Variants in GRIK2 observed in about 807,000 individuals in gnomAD.
The protein encoded by GRIK2 is glutamate ionotropic receptor kainate type subunit 2.
GRIK2 carries 32 observed loss-of-function variants against 100.3 expected under a neutral mutation model. That is an observed-to-expected ratio of 0.32 (90% confidence interval 0.24 to 0.43). The LOEUF (loss-of-function observed/expected upper bound fraction) is 0.43. GRIK2 is among the 20% of genes least tolerant of loss of function. The probability of loss-of-function intolerance (pLI) is 1.00; values close to 1 mark genes in which losing one functional copy is unlikely to be tolerated. For missense variants in GRIK2, 843 were observed against 1,114.9 expected (o/e 0.76, Z 3.47); for synonymous variants, 417 against 389.4 (o/e 1.07, Z -0.83).
At chr6:101,582,719 G>T (rs1778160160) in intron 2 of GRIK2, among the ~76,000 whole-genome samples, 1 of 152,134 alleles carries the variant, frequency 6.6e-6, no homozygotes, top group South Asian at 2.1e-4. Context: ...ATTTCAATTT[G>T]TGAAGAGCAT....
intron 4 of GRIK2, among the ~76,000 whole-genome samples, chr6:101,656,682 A>G (rs1769210218): frequency 6.6e-6 from 1 of 152,206 alleles, no homozygotes; most frequent in South Asian, 2.1e-4. Context: ...TACCTTAAAA[A>G]ACACAGAAAG....
chr6:101,552,819 C>T, intron 2 of GRIK2, among the ~76,000 whole-genome samples: 1 of 152,130 alleles, frequency 6.6e-6, no homozygotes. Flanking sequence ...CTTCTGCCAC[C>T]TGAGGCATCC....
At chr6:101,583,784 T>G (rs1388594525) in intron 2 of GRIK2, among the ~76,000 whole-genome samples, 2 of 152,156 alleles carry the variant, frequency 1.3e-5, no homozygotes, top group Admixed American at 1.3e-4. Context: ...CATTTGGTGC[T>G]TTTGTTTGAT....
intron 15 of GRIK2, among the ~76,000 whole-genome samples, chr6:102,047,933 G>A (rs540098496): frequency 3.8e-4 from 57 of 151,422 alleles, no homozygotes; most frequent in African/African-American, 1.3e-3. Context: ...AAAGCTAGAG[G>A]CATCACAATA....
At chr6:101,824,417 A>T (rs1782180062) in intron 10 of GRIK2, among the ~76,000 whole-genome samples, 1 of 152,196 alleles carries the variant, frequency 6.6e-6, no homozygotes, top group Non-Finnish European at 1.5e-5. Context: ...TACTTCACTT[A>T]GAATAATGGT....
rs1183991973 is a variant in GRIK2 at position 101,533,893 on chromosome 6, A to C, written c.116-88056A>C. On this transcript the variant is annotated intron_variant, in intron 2 of 16. Transcript: ENST00000369134. ...TGGAATTGATTGAATATAGCTTTAT[A>C]ACATTTCATATTTATTTTGCATTTG... Among the ~76,000 whole-genome samples the C allele has an allele frequency of 5.3e-5, 8 of 151,948 alleles. No individual in the cohort carries two copies. In the East Asian group the frequency reaches 1.5e-3, roughly 29 times the overall value.
intron 2 of GRIK2, among the ~76,000 whole-genome samples, chr6:101,549,625 T>C (rs1489628678): frequency 6.6e-6 from 1 of 152,174 alleles, no homozygotes; most frequent in African/African-American, 2.4e-5. Context: ...AGAACCACTT[T>C]ATGGATAAAA....
At chr6:101,873,116 A>G (rs1203248808) in intron 11 of GRIK2, among the ~76,000 whole-genome samples, 2 of 151,650 alleles carry the variant, frequency 1.3e-5, no homozygotes, top group African/African-American at 2.4e-5. Flanking sequence ...TAAATTATAC[A>G]TTAAGTTCTA....
chr6:101,872,523 TC>T (rs1466582065), intron 11 of GRIK2, among the ~76,000 whole-genome samples: 14 of 151,888 alleles, frequency 9.2e-5, no homozygotes, highest in Admixed American at 9.2e-4. Flanking sequence ...TACCATCTGG[TC>T]CCACTCACCG....
At chr6:101,669,098 C>T (rs976263807) in intron 4 of GRIK2, among the ~76,000 whole-genome samples, 15 of 151,972 alleles carry the variant, frequency 9.9e-5, no homozygotes, top group Non-Finnish European at 4.4e-5. Context: ...AATGTGGTAC[C>T]CTTTTTTGTT....
intron 7 of GRIK2, among the ~76,000 whole-genome samples, chr6:101,763,074 T>C (rs1031044785): frequency 6.6e-6 from 1 of 152,098 alleles, no homozygotes; most frequent in Non-Finnish European, 1.5e-5. Flanking sequence ...TTGGAGACGC[T>C]CATGTACAAA....
chr6:101,729,510 AT>A, intron 7 of GRIK2, among the ~76,000 whole-genome samples: 1 of 152,092 alleles, frequency 6.6e-6, no homozygotes, highest in Middle Eastern at 3.4e-3. Flanking sequence ...ATATTAGTAA[AT>A]TGCATATTGC....
chr6:101,448,678 T>A (rs2852529), intron 2 of GRIK2, among the ~76,000 whole-genome samples: 57,127 of 151,220 alleles, frequency 0.38, 10,927 homozygotes, highest in Admixed American at 0.44. Context: ...TGGGTTTTAT[T>A]GACAGCAACA....
Position 101,517,639 on chromosome 6 carries a change from A to G in GRIK2, c.116-104310A>G, listed in dbSNP as rs1467811896. 2.0e-5 allele frequency among the ~76,000 whole-genome samples: 3 copies of G among 152,150 alleles called. No individual in the cohort carries two copies. In the East Asian group the frequency reaches 5.8e-4, roughly 29 times the overall value. ...TACTGTACTTTAAAACAAGCAGCAT[A>G]ATGTGCTTCCATCAGGCAATAGACA... On this transcript the variant is annotated intron_variant, in intron 2 of 16. Coordinates refer to ENST00000369134, the MANE Select transcript of GRIK2 (RefSeq NM_021956.5).
At chr6:102,042,105 A>G (rs1770617066) in intron 15 of GRIK2, among the ~76,000 whole-genome samples, 1 of 151,740 alleles carries the variant, frequency 6.6e-6, no homozygotes, top group Non-Finnish European at 1.5e-5. Context: ...ATAAGGCATT[A>G]TCTGAACAAG....
At chr6:101,620,188 A>C (rs987596529) in intron 2 of GRIK2, 4 of 833,582 alleles carry the variant, frequency 4.8e-6, no homozygotes, top group African/African-American at 3.7e-5. Context: ...TCTAGCTCCA[A>C]ATAAATGTTA....
intron 2 of GRIK2, among the ~76,000 whole-genome samples, chr6:101,540,330 T>C (rs1432339923): frequency 2.0e-5 from 3 of 151,936 alleles, no homozygotes; most frequent in African/African-American, 4.8e-5. Flanking sequence ...GACCTAGTAC[T>C]TGATGGCACA....
chr6:101,548,446 G>A (rs9322598), intron 2 of GRIK2, among the ~76,000 whole-genome samples: 25,330 of 151,998 alleles, frequency 0.17, 2,464 homozygotes, highest in South Asian at 0.31. Context: ...GAGTTTTTAT[G>A]GTTTTAGGTC....
At chr6:101,569,093 C>G (rs1777417715) in intron 2 of GRIK2, among the ~76,000 whole-genome samples, 1 of 151,982 alleles carries the variant, frequency 6.6e-6, no homozygotes, top group Non-Finnish European at 1.5e-5. Context: ...GGAGAGACTT[C>G]TGAAATTGCA....
Sources: allele counts gnomAD v4.1 joint callset (sites outside exome capture counted in the v4.1 genomes callset), GRCh38; gene constraint gnomAD v4.1.1; transcripts MANE v1.5; gene names NCBI Gene and HGNC (gene_info 2026-07-23, HGNC 2026-07-21).